NR1H4: variants seen among roughly 807,000 people sequenced by gnomAD.
The protein encoded by NR1H4 is bile acid receptor.
A neutral mutation model predicts 58.5 loss-of-function variants in NR1H4; 23 were observed. The ratio of observed to expected loss-of-function variants is 0.39; its 90% confidence interval spans 0.28 to 0.56. The LOEUF (loss-of-function observed/expected upper bound fraction) is 0.56. NR1H4 is among the 20% of genes least tolerant of loss of function. The pLI, the probability that NR1H4 is intolerant of heterozygous loss-of-function variation, is 0.58. For synonymous variants in NR1H4, 214 were observed against 198.0 expected (o/e 1.08, Z -0.68); for missense variants, 487 against 576.9 (o/e 0.84, Z 1.60).
intron 1 of NR1H4, among the ~76,000 whole-genome samples, chr12:100,488,027 G>T (rs755971902): frequency 1.3e-5 from 2 of 151,718 alleles, no homozygotes; most frequent in Non-Finnish European, 2.9e-5. Context: ...TTTTGAGATG[G>T]AATCTCACTC....
intron 4 of NR1H4, among the ~76,000 whole-genome samples, chr12:100,514,590 A>G: frequency 6.6e-6 from 1 of 152,176 alleles, no homozygotes; most frequent in Non-Finnish European, 1.5e-5. Flanking sequence ...AAGTGTCTAC[A>G]GACATTGCTA....
chr12:100,558,123 G>A (rs1955373572), intron 9 of NR1H4, among the ~76,000 whole-genome samples: 1 of 151,388 alleles, frequency 6.6e-6, no homozygotes, highest in Non-Finnish European at 1.5e-5. Context: ...CACTTTGGGA[G>A]GCTGAGGTGG....
intron 4 of NR1H4, among the ~76,000 whole-genome samples, chr12:100,515,165 C>CTTTTT (rs59404984): frequency 3.0e-4 from 28 of 94,836 alleles, no homozygotes; most frequent in Non-Finnish European, 4.0e-4. Flanking sequence ...TTTGTCAAAG[C>CTTTTT]TTTTTTTTTT....
At chr12:100,557,936 G>C (rs1217591442) in intron 9 of NR1H4, among the ~76,000 whole-genome samples, 3 of 152,076 alleles carry the variant, frequency 2.0e-5, no homozygotes, top group Non-Finnish European at 2.9e-5. Context: ...TCACATCACA[G>C]GTTTTTGTGT....
At chr12:100,492,420 C>T (rs147467939) in intron 1 of NR1H4, 83 bp from the exon 2 acceptor site, 29 of 152,280 alleles carry the variant, frequency 1.9e-4, no homozygotes, top group African/African-American at 7.0e-4. Flanking sequence ...GAAAATCATC[C>T]TCAGAAAACA....
At chr12:100,478,578 A>G (rs557501723) in intron 1 of NR1H4, among the ~76,000 whole-genome samples, 4 of 152,298 alleles carry the variant, frequency 2.6e-5, no homozygotes, top group African/African-American at 9.6e-5. Flanking sequence ...ATTCTCCTCT[A>G]CTTCACTGTT....
At chr12:100,477,117 T>C (rs1953287637) in intron 1 of NR1H4, among the ~76,000 whole-genome samples, 1 of 152,144 alleles carries the variant, frequency 6.6e-6, no homozygotes, top group Non-Finnish European at 1.5e-5. Context: ...ACCCCTTTGC[T>C]CTTCACAGTG....
At position 100,563,547 on chromosome 12, in the gene NR1H4, T is replaced by A; in HGVS notation, c.*58T>A. The A allele has an allele frequency of 7.6e-7, 1 of 1,312,344 alleles. No homozygotes were observed. The highest frequency in any genetic ancestry group is 2.3e-5 in the East Asian group (1 of 43,568). The allele number at this position is 1,312,344 out of a possible 1,614,324, so 81.3% of individuals were successfully genotyped here. On this transcript the variant is annotated 3_prime_UTR_variant, in exon 11 of 11. Transcript: ENST00000392986. ...TTCTCTCTCATATTAATCTGATGTA[T>A]AACTTTCCTTTATTTCACTTGTACC...
At chr12:100,559,247 G>A (rs758395660) in intron 9 of NR1H4, among the ~76,000 whole-genome samples, 7 of 152,164 alleles carry the variant, frequency 4.6e-5, no homozygotes, top group Admixed American at 3.9e-4. Context: ...GCTTGCTCTC[G>A]GCACCTCCTC....
chr12:100,542,444 A>G (rs1452213818), intron 9 of NR1H4, among the ~76,000 whole-genome samples: 1 of 152,210 alleles, frequency 6.6e-6, no homozygotes, highest in Non-Finnish European at 1.5e-5. Flanking sequence ...TTATTGTGGA[A>G]TAACACTGTG....
intron 3 of NR1H4, among the ~76,000 whole-genome samples, chr12:100,506,974 G>C (rs189036275): frequency 1.3e-5 from 2 of 152,104 alleles, no homozygotes; most frequent in African/African-American, 4.8e-5. Context: ...CTTGACTTGG[G>C]ACTCCTTTGT....
At chr12:100,516,297 A>C (rs1262864346) in intron 4 of NR1H4, among the ~76,000 whole-genome samples, 1 of 152,232 alleles carries the variant, frequency 6.6e-6, no homozygotes, top group Non-Finnish European at 1.5e-5. Context: ...ATTTATTCGG[A>C]AAATCTGATT....
intron 3 of NR1H4, among the ~76,000 whole-genome samples, chr12:100,499,099 T>G (rs959233998): frequency 1.3e-5 from 2 of 152,192 alleles, no homozygotes; most frequent in African/African-American, 4.8e-5. Context: ...GAAATCTGCT[T>G]CTTCCCTATG....
chr12:100,511,751 G>A (rs112362094), intron 4 of NR1H4, among the ~76,000 whole-genome samples: 10,964 of 151,484 alleles, frequency 0.072, 995 homozygotes, highest in East Asian at 0.31. Flanking sequence ...GTGAAATCTC[G>A]TCTCTACTAA....
chr12:100,476,029 C>T (rs1305641801), intron 1 of NR1H4, among the ~76,000 whole-genome samples: 1 of 152,180 alleles, frequency 6.6e-6, no homozygotes, highest in Admixed American at 6.5e-5. Flanking sequence ...CCACTGCGCC[C>T]AGCCAGGAGT....
chr12:100,528,195 G>A (rs1033559087), intron 4 of NR1H4, among the ~76,000 whole-genome samples: 1 of 152,206 alleles, frequency 6.6e-6, no homozygotes, highest in Non-Finnish European at 1.5e-5. Context: ...AGTCTGGCAC[G>A]TGCATGTGTA....
intron 1 of NR1H4, among the ~76,000 whole-genome samples, chr12:100,491,015 G>A (rs1008527972): frequency 4.6e-5 from 7 of 152,138 alleles, no homozygotes; most frequent in East Asian, 3.9e-4. Flanking sequence ...GGCTGGTCTC[G>A]AACTCTTGGG....
At chr12:100,497,949 T>C (rs887476619) in intron 3 of NR1H4, among the ~76,000 whole-genome samples, 1 of 152,114 alleles carries the variant, frequency 6.6e-6, no homozygotes, top group African/African-American at 2.4e-5. Context: ...GAAAATACAG[T>C]CTTATCCTCC....
rs1015667551 is a variant in NR1H4 at position 100,563,281 on chromosome 12, T to C, written c.1223T>C (p.Val408Ala). The C allele has an allele frequency of 1.6e-5, 26 of 1,613,936 alleles. No homozygotes were observed. Among genetic ancestry groups the C allele is most frequent in the Non-Finnish European group, 2.1e-5 (25 of 1,179,872 alleles). ...CAATACATAAAGGATAGAGAGGCAG[T>C]AGAGAAGCTTCAGGAGCCACTTCTT... is the stretch of plus-strand genomic sequence containing the variant. ...DRQYIKDREA[V>A]EKLQEPLLDV... The change falls in exon 11 of 11, where the codon GTA becomes GCA. Residue 408 changes from valine to alanine, a missense_variant. Coordinates refer to ENST00000392986, the MANE Select transcript of NR1H4 (RefSeq NM_001206979.2).
Sources: allele counts gnomAD v4.1 joint callset (sites outside exome capture counted in the v4.1 genomes callset), GRCh38; gene constraint gnomAD v4.1.1; transcripts MANE v1.5; gene names NCBI Gene and HGNC (gene_info 2026-07-23, HGNC 2026-07-21).